Variants in PFKFB4 observed in about 807,000 individuals in gnomAD.
PFKFB4 encodes 6-phosphofructo-2-kinase/fructose-2,6-biphosphatase 4, also known as 6-phosphofructo-2-kinase/fructose-2,6-bisphosphatase 4.
Under a neutral mutation model 62.8 loss-of-function variants are expected in PFKFB4, and 42 were observed. That is an observed-to-expected ratio of 0.67 (90% CI 0.52 to 0.86). The LOEUF (loss-of-function observed/expected upper bound fraction) is 0.86. Among genes scored for constraint, PFKFB4 ranks in the 40% least tolerant of loss-of-function variants. PFKFB4 has a pLI of 0.00. For synonymous variants in PFKFB4, 204 were observed against 240.7 expected (o/e 0.85, Z 1.41); for missense variants, 475 against 627.2 (o/e 0.76, Z 2.59).
Position 48,556,787 on chromosome 3 carries a change from G to C in PFKFB4, c.-10C>G. On this transcript the variant is annotated 5_prime_UTR_variant, in exon 1 of 14. Transcript: ENST00000232375. The surrounding 1 kb of genome is among the most constrained non-coding windows in gnomAD (Gnocchi z 5.7). ...CCCGTGGGGACGCCATCCCGGGGCC[G>C]GGATGAGTCGGACTGCGCCGCTTCC... 6.3e-7 allele frequency: 1 copy of C among 1,598,856 alleles called. No homozygotes were observed. The highest frequency in any genetic ancestry group is 8.5e-7 in the Non-Finnish European group (1 of 1,173,130).
chr3:48,559,892 AT>A, upstream of PFKFB4: 1 of 268,686 alleles, frequency 3.7e-6, no homozygotes, highest in Non-Finnish European at 7.3e-6. Context: ...CTGCCAAACC[AT>A]CCCACCACAC....
chr3:48,536,779 T>C (rs544679648), intron 7 of PFKFB4: 27 of 356,116 alleles, frequency 7.6e-5, no homozygotes, highest in Middle Eastern at 8.1e-4. Context: ...CATGTGTCCC[T>C]GGGGCCCCTG....
intron 3 of PFKFB4, among the ~76,000 whole-genome samples, chr3:48,547,311 T>G (rs2042994786): frequency 6.6e-6 from 1 of 152,134 alleles, no homozygotes; most frequent in Non-Finnish European, 1.5e-5. Context: ...TGCATGTGTA[T>G]GTACCCTGTG....
Position 48,554,467 on chromosome 3 carries a change from G to A in PFKFB4, c.97+2214C>T, listed in dbSNP as rs567402034. Among the ~76,000 whole-genome samples, 6 of 152,254 alleles carry A rather than the reference G, an allele frequency of 3.9e-5. No homozygotes were observed. In the South Asian group the frequency reaches 6.2e-4, roughly 16 times the overall value. On this transcript the variant is annotated intron_variant, in intron 1 of 13. Coordinates refer to ENST00000232375, the MANE Select transcript of PFKFB4 (RefSeq NM_004567.4). ...TACCTCCTCCTCCAGGAAAAAGTGC[G>A]GACCTAGAACCCAGCCTACCCCAAC...
rs150866105 is a variant in PFKFB4, at chr3:48,537,418, C to T, written c.633-955G>A. Among the ~76,000 whole-genome samples the T allele has an allele frequency of 2.7e-3, 406 of 152,168 alleles. 3 individuals are homozygous for T. Among genetic ancestry groups the T allele is most frequent in the African/African-American group, 9.1e-3 (378 of 41,508 alleles). On this transcript the variant is annotated intron_variant, in intron 7 of 13. Coordinates refer to ENST00000232375, the MANE Select transcript of PFKFB4 (RefSeq NM_004567.4). ...CAGGTGCCATTCAGCTCAGGCCCGG[C>T]CTGGGCTGGCTCTAGAACCCAGCTG...
chr3:48,562,830 C>T (rs768420794), upstream of PFKFB4: 2 of 1,576,738 alleles, frequency 1.3e-6, no homozygotes, highest in Non-Finnish European at 8.6e-7. This position sits in a 1 kb window ranked among gnomAD's most constrained non-coding sequence, Gnocchi z 4.3. Flanking sequence ...TTGGTGGTGG[C>T]CTGCTCCCTG....
upstream of PFKFB4, among the ~76,000 whole-genome samples, chr3:48,557,554 G>A (rs1401342495): frequency 6.7e-6 from 1 of 148,924 alleles, no homozygotes; most frequent in South Asian, 2.1e-4. Flanking sequence ...TTTTTTTTTT[G>A]AGACGGAGTT....
intron 4 of PFKFB4, among the ~76,000 whole-genome samples, chr3:48,543,104 G>A (rs1350555304): frequency 6.6e-6 from 1 of 152,150 alleles, no homozygotes; most frequent in African/African-American, 2.4e-5. Context: ...GACTATATAA[G>A]GCTGGGGTAG....
chr3:48,559,840 A>C, upstream of PFKFB4: 1 of 332,082 alleles, frequency 3.0e-6, no homozygotes, highest in East Asian at 8.4e-5. Context: ...CAAAGCTCAA[A>C]CTCTTCCCAG....
intron 7 of PFKFB4, chr3:48,536,736 C>A: frequency 2.2e-6 from 1 of 457,544 alleles, no homozygotes; most frequent in Non-Finnish European, 4.0e-6. Flanking sequence ...AGTGGGGGGT[C>A]CGCCATACCA....
intron 10 of PFKFB4, among the ~76,000 whole-genome samples, chr3:48,525,139 C>T (rs747681599): frequency 6.6e-6 from 1 of 152,160 alleles, no homozygotes; most frequent in Non-Finnish European, 1.5e-5. Context: ...TTTGAGCGCC[C>T]CGGAAAGGGC....
chr3:48,528,119 T>TAA (rs2042322412), intron 9 of PFKFB4, among the ~76,000 whole-genome samples: 1 of 151,970 alleles, frequency 6.6e-6, no homozygotes, highest in Admixed American at 6.6e-5. Flanking sequence ...AGAGAAAAGG[T>TAA]AATCCATGTT....
intron 3 of PFKFB4, among the ~76,000 whole-genome samples, chr3:48,545,899 C>T (rs1451084812): frequency 6.6e-6 from 1 of 152,122 alleles, no homozygotes; most frequent in African/African-American, 2.4e-5. Context: ...CCTTAGAGCC[C>T]CACGTTCTGG....
upstream of PFKFB4, chr3:48,562,447 C>T (rs923654800): frequency 8.9e-6 from 3 of 336,986 alleles, no homozygotes; most frequent in African/African-American, 2.1e-5. The surrounding 1 kb of genome is among the most constrained non-coding windows in gnomAD (Gnocchi z 4.3). Flanking sequence ...GCAAGACTCG[C>T]CACAGCAGTG....
At chr3:48,549,064 T>G (rs749929967) in intron 3 of PFKFB4, among the ~76,000 whole-genome samples, 2 of 152,146 alleles carry the variant, frequency 1.3e-5, no homozygotes, top group Non-Finnish European at 2.9e-5. Context: ...AGCAAGTCTC[T>G]GCCACCCTAG....
At chr3:48,558,816 C>A (rs570802376), upstream of PFKFB4, among the ~76,000 whole-genome samples, 14 of 152,328 alleles carry the variant, frequency 9.2e-5, no homozygotes, top group African/African-American at 3.4e-4. Context: ...AGCTGGGTGC[C>A]CCTCGTGACC....
rs2042517249 is a variant in PFKFB4, at chr3:48,534,141, G to T, written c.987+1371C>A. Among the ~76,000 whole-genome samples, 2 of 152,156 alleles carry T rather than the reference G, an allele frequency of 1.3e-5. 1 individual carries two copies. The highest frequency in any genetic ancestry group is 4.1e-4 in the South Asian group (2 of 4,826). ...AGAAGTAAAGATAAGTGAATTTGAA[G>T]ACATAGCAGTAGAAACTATCTAAAT... On this transcript the variant is annotated intron_variant, in intron 9 of 13. Transcript: ENST00000232375.
At chr3:48,562,856 G>A (rs2043456517), upstream of PFKFB4, 1 of 1,590,870 alleles carries the variant, frequency 6.3e-7, no homozygotes. This position sits in a 1 kb window ranked among gnomAD's most constrained non-coding sequence, Gnocchi z 4.3. Flanking sequence ...CCTGGCCCGG[G>A]CTTGCTCCAG....
upstream of PFKFB4, chr3:48,560,988 C>G: frequency 1.1e-6 from 1 of 932,272 alleles, no homozygotes; most frequent in East Asian, 8.7e-5. Context: ...CCCTCCAGCA[C>G]CACCCTGACT....
Sources: gnomAD v4.1 joint callset for allele counts (sites outside exome capture counted in the v4.1 genomes callset) on GRCh38, gnomAD v4.1.1 for gene constraint, Gnocchi (gnomAD v3.1) non-coding constraint, MANE v1.5 for transcripts, NCBI Gene and HGNC (gene_info 2026-07-23, HGNC 2026-07-21) for gene names.